Variants in EPB41 observed in about 807,000 individuals in gnomAD.
EPB41 encodes the protein erythrocyte membrane protein band 4.1, also known as protein 4.1.
In EPB41, 65 loss-of-function variants were observed where a neutral mutation model predicts 108.0. The ratio of observed to expected loss-of-function variants is 0.60; its 90% CI spans 0.49 to 0.74. The LOEUF (loss-of-function observed/expected upper bound fraction) is 0.74. Among genes scored for constraint, EPB41 ranks in the 30% least tolerant of loss-of-function variants. The pLI is 0.00. For synonymous variants in EPB41, 336 were observed against 358.9 expected, an observed-to-expected ratio of 0.94 and a Z score of 0.72; for missense variants, 875 against 1,037.0, an observed-to-expected ratio of 0.84 and a Z score of 2.15.
chr1:28,936,126 C>G (rs748388479), intron 1 of EPB41, among the ~76,000 whole-genome samples: 3 of 152,160 alleles, frequency 2.0e-5, no homozygotes, highest in Non-Finnish European at 4.4e-5. Context: ...TCATTCTTAT[C>G]TTAGGGTGCT....
At chr1:29,020,938 C>T (rs550640699) in intron 7 of EPB41, among the ~76,000 whole-genome samples, 62 of 152,092 alleles carry the variant, frequency 4.1e-4, no homozygotes, top group Non-Finnish European at 8.4e-4. Context: ...CCTCTGCGCC[C>T]GGCCTAATGA....
At chr1:29,070,858 T>C in intron 16 of EPB41, 1 of 444,846 alleles carries the variant, frequency 2.2e-6, no homozygotes, top group Non-Finnish European at 3.6e-6. Context: ...TTTAAACAAA[T>C]CAGAATTAAG....
At chr1:28,934,804 T>A (rs1422220784) in intron 1 of EPB41, among the ~76,000 whole-genome samples, 3 of 151,468 alleles carry the variant, frequency 2.0e-5, no homozygotes, top group African/African-American at 7.3e-5. Context: ...CTCCAAGGAG[T>A]CCCCATTCCT....
At chr1:28,915,597 G>T (rs1275292873) in intron 1 of EPB41, among the ~76,000 whole-genome samples, 1 of 152,152 alleles carries the variant, frequency 6.6e-6, no homozygotes, top group Non-Finnish European at 1.5e-5. Flanking sequence ...ACATGATAGC[G>T]ACTGTCATCC....
At chr1:29,022,831 G>T (rs151099018) in intron 7 of EPB41, among the ~76,000 whole-genome samples, 216 of 152,212 alleles carry the variant, frequency 1.4e-3, no homozygotes, top group Non-Finnish European at 1.2e-3. Flanking sequence ...TATTGCAACA[G>T]ATTGAATGCA....
At chr1:28,973,274 C>G (rs1269615805) in intron 1 of EPB41, among the ~76,000 whole-genome samples, 2 of 152,130 alleles carry the variant, frequency 1.3e-5, no homozygotes, top group Non-Finnish European at 2.9e-5. Flanking sequence ...CAAATGGTGA[C>G]TCTTGAGTTT....
rs111642750 is a variant in EPB41 at position 28,993,501 on chromosome 1, G to T, written c.640G>T (p.Val214Phe). Residue 214 changes from valine to phenylalanine, a missense_variant, in exon 3 of 21, where the codon GTT becomes TTT. Physicochemically the swap from Val to Phe is conservative, Grantham distance 50. Around this residue, in one of 3 missense-constraint regions of EPB41, gnomAD observed 353 missense variants for 393.2 expected, o/e 0.90. Coordinates refer to ENST00000343067, the MANE Select transcript of EPB41 (RefSeq NM_001376013.1). ...IRKHRNMHCKVSLLDDTVYEC... is the reference protein window; with the variant it reads ...IRKHRNMHCKFSLLDDTVYEC... ...AAAACACAGGAACATGCACTGCAAG[G>T]TTTCTTTGTTGGATGACACAGTTTA... The T allele has an allele frequency of 2.5e-6, 4 of 1,613,898 alleles. No individual in the cohort carries two copies. Among genetic ancestry groups the T allele is most frequent in the Non-Finnish European group, 2.5e-6 (3 of 1,179,994 alleles).
chr1:28,908,979 A>G (rs1451169400), intron 1 of EPB41, among the ~76,000 whole-genome samples: 2 of 150,378 alleles, frequency 1.3e-5, no homozygotes, highest in South Asian at 4.2e-4. Flanking sequence ...CCTATCCCAC[A>G]TGTCTCTACT....
chr1:29,040,669 A>G (rs192166566), intron 11 of EPB41, among the ~76,000 whole-genome samples: 1 of 152,294 alleles, frequency 6.6e-6, no homozygotes, highest in Admixed American at 6.5e-5. Flanking sequence ...CCAAATGTTT[A>G]AATAAAATAG....
rs148176786 is a variant in EPB41 at position 29,005,294 on chromosome 1, T to C, written c.787-6571T>C. The stretch of plus-strand genomic sequence containing the variant: ...CAACCAGATCTTGTGAGAACTCTTA[T>C]CATGAGAACAACACCAAAGGGGGAA... On this transcript the variant is annotated intron_variant, in intron 4 of 20. Transcript: ENST00000343067. Among the ~76,000 whole-genome samples the C allele has an allele frequency of 8.5e-3, 1,296 of 152,158 alleles. 11 individuals are homozygous for C. Among genetic ancestry groups the C allele is most frequent in the Middle Eastern group, 0.078 (23 of 294 alleles).
intron 16 of EPB41, among the ~76,000 whole-genome samples, chr1:29,082,545 C>T (rs777573950): frequency 6.6e-6 from 1 of 152,202 alleles, no homozygotes; most frequent in Admixed American, 6.5e-5. Flanking sequence ...TCCATTCTAA[C>T]TTCAGAGTTT....
At chr1:29,063,710 T>G (rs954362650) in intron 15 of EPB41, among the ~76,000 whole-genome samples, 16 of 152,318 alleles carry the variant, frequency 1.1e-4, no homozygotes, top group Admixed American at 2.6e-4. Flanking sequence ...GCATTATGCT[T>G]TTCTTGGATA....
intron 17 of EPB41, among the ~76,000 whole-genome samples, chr1:29,099,099 G>T (rs1664315723): frequency 6.7e-6 from 1 of 149,940 alleles, no homozygotes; most frequent in East Asian, 2.0e-4. Flanking sequence ...ACGAGGTCAG[G>T]AGTTCAGGAC....
intron 2 of EPB41, among the ~76,000 whole-genome samples, chr1:28,991,886 G>A (rs1489096735): frequency 2.6e-5 from 4 of 151,960 alleles, no homozygotes; most frequent in Admixed American, 6.6e-5. Flanking sequence ...TACGTGCCTC[G>A]CAGGGTAGTT....
intron 4 of EPB41, among the ~76,000 whole-genome samples, chr1:29,000,768 T>C (rs975870504): frequency 2.0e-5 from 3 of 152,132 alleles, no homozygotes; most frequent in Non-Finnish European, 4.4e-5. Context: ...TACTCTATAT[T>C]TTATGCTTCT....
intron 7 of EPB41, among the ~76,000 whole-genome samples, chr1:29,021,745 G>A (rs753155219): frequency 3.8e-4 from 58 of 152,066 alleles, no homozygotes; most frequent in Non-Finnish European, 7.6e-4. Flanking sequence ...ACCACGCCTA[G>A]CTAATTTTTT....
intron 17 of EPB41, among the ~76,000 whole-genome samples, chr1:29,100,922 C>A (rs1423241162): frequency 2.7e-5 from 4 of 149,850 alleles, no homozygotes; most frequent in African/African-American, 9.8e-5. Flanking sequence ...CACCAAGACC[C>A]TGTCTCAAAA....
At chr1:29,027,393 G>A (rs888119094) in intron 7 of EPB41, among the ~76,000 whole-genome samples, 3 of 150,498 alleles carry the variant, frequency 2.0e-5, no homozygotes, top group Non-Finnish European at 4.4e-5. Context: ...GTGCAATGGC[G>A]CAATCTCGGC....
chr1:29,022,187 A>T (rs2096654643), intron 7 of EPB41, among the ~76,000 whole-genome samples: 1 of 152,154 alleles, frequency 6.6e-6, no homozygotes, highest in Non-Finnish European at 1.5e-5. Context: ...AGATTTTCAT[A>T]ACTTGGTGAA....
Sources: allele counts gnomAD v4.1 joint callset (sites outside exome capture counted in the v4.1 genomes callset), GRCh38; gene constraint gnomAD v4.1.1; regional missense constraint gnomAD v4.1.1; transcripts MANE v1.5; gene names NCBI Gene and HGNC (gene_info 2026-07-23, HGNC 2026-07-21).